The following WIPI2 variants were observed in gnomAD, a reference collection of about 807,000 sequenced individuals.
The protein encoded by WIPI2 is WD repeat domain phosphoinositide-interacting protein 2.
In WIPI2, 28 loss-of-function variants were observed where a neutral mutation model predicts 52.3. That is an observed-to-expected ratio of 0.54 (90% CI 0.40 to 0.73). The LOEUF is 0.73. Among genes scored for constraint, WIPI2 ranks in the 30% least tolerant of loss-of-function variants. WIPI2 has a pLI of 0.00. For synonymous variants in WIPI2, 268 were observed against 245.0 expected, an observed-to-expected ratio of 1.09 and a Z score of -0.88; for missense variants, 506 against 602.9, an observed-to-expected ratio of 0.84 and a Z score of 1.68.
chr7:5,192,754 C>T (rs1281102042), intron 1 of WIPI2, among the ~76,000 whole-genome samples: 3 of 152,146 alleles, frequency 2.0e-5, no homozygotes, highest in Non-Finnish European at 2.9e-5. Context: ...GAGAAGTTCC[C>T]GGAGAGAGCT....
intron 4 of WIPI2, among the ~76,000 whole-genome samples, chr7:5,215,814 C>G (rs1583572832): frequency 6.6e-6 from 1 of 152,254 alleles, no homozygotes; most frequent in Non-Finnish European, 1.5e-5. Flanking sequence ...TAAGTTGTCT[C>G]AGCGATGCAT....
rs535600305 is a variant in WIPI2, at chr7:5,227,975, C to T, written c.1014-129C>T. The T allele has an allele frequency of 2.4e-6, 2 of 843,448 alleles. No homozygotes were observed. The highest frequency in any genetic ancestry group is 5.3e-5 in the East Asian group (2 of 37,732). The allele number at this position is 843,448 out of a possible 1,614,324, so 52.2% of individuals were successfully genotyped here. On this transcript the variant is annotated intron_variant, in intron 10 of 12. Transcript: ENST00000288828. This position sits in a 1 kb window ranked among gnomAD's most constrained non-coding sequence, Gnocchi z 8.1. ...GAGCCGAGGTCAGTGGGGCGCCAGACACCTGCAGCTGCCCTTGTGCTCATC... is the reference window on the plus strand; with the variant it reads ...GAGCCGAGGTCAGTGGGGCGCCAGATACCTGCAGCTGCCCTTGTGCTCATC...
At position 5,209,099 on chromosome 7, in the gene WIPI2, A is replaced by G. The variant is rs896504620; in HGVS notation, c.212-5436A>G. Among the ~76,000 whole-genome samples the G allele has an allele frequency of 1.8e-4, 27 of 148,124 alleles. 1 individual carries two copies. The highest frequency in any genetic ancestry group is 1.2e-3 in the Admixed American group (18 of 14,608). On this transcript the variant is annotated intron_variant, in intron 3 of 12. Transcript: ENST00000288828. ...ATACTTTGGATTTTGACATTATCAT[A>G]AAAGAAAATTATTTCACTGAGTTTT...
At chr7:5,195,272 A>G (rs952333603) in intron 2 of WIPI2, among the ~76,000 whole-genome samples, 2 of 152,082 alleles carry the variant, frequency 1.3e-5, no homozygotes, top group African/African-American at 4.8e-5. Flanking sequence ...GGATCCCTTG[A>G]GTTCAGGAGT....
rs1319465222 is a variant in WIPI2, at chr7:5,227,479, C to A, written c.1013+135C>A. ...GAGCCGACACTCCATCGAGAGTTGT[C>A]GGGGATGGGAGGTCCCCTGGCAGGC... On this transcript the variant is annotated intron_variant, in intron 10 of 12. Coordinates refer to ENST00000288828, the MANE Select transcript of WIPI2 (RefSeq NM_015610.4). The surrounding 1 kb of genome is among the most constrained non-coding windows in gnomAD (Gnocchi z 8.1). The A allele has an allele frequency of 7.8e-7, 1 of 1,282,250 alleles. No homozygotes were observed. Among genetic ancestry groups the A allele is most frequent in the Non-Finnish European group, 1.0e-6 (1 of 953,034 alleles). The allele number at this position is 1,282,250 out of a possible 1,614,324, so 79.4% of individuals were successfully genotyped here.
rs1749311718 is a variant in WIPI2 at position 5,217,169 on chromosome 7, C to T, written c.558C>T (p.Val186=). Residue 186 remains valine, a synonymous_variant, in exon 6 of 13, where the codon GTC becomes GTT. Coordinates refer to ENST00000288828, the MANE Select transcript of WIPI2 (RefSeq NM_015610.4). ...GCGCGACCATCGGAGAGGTGCAGGT[C>T]TTCGATACCATTAATTTGGTGAGAT... ...PGSATIGEVQ[V]FDTINLRAAN... is the part of the protein sequence containing the mutation. The T allele has an allele frequency of 6.2e-7, 1 of 1,614,156 alleles. No individual in the cohort carries two copies. The highest frequency in any genetic ancestry group is 1.3e-5 in the African/African-American group (1 of 75,038).
Position 5,227,367 on chromosome 7 carries a change from TC to T in WIPI2, c.1013+28del, listed in dbSNP as rs751610174. ...CACGTGAGTAGAGCCGGCGCCTCCGTCCCCCACCCCGTGTGCCTCAGGCCGA... is the reference window on the plus strand; with the variant it reads ...CACGTGAGTAGAGCCGGCGCCTCCGTCCCCACCCCGTGTGCCTCAGGCCGA... On this transcript the variant is annotated intron_variant, in intron 10 of 12. Coordinates refer to ENST00000288828, the MANE Select transcript of WIPI2 (RefSeq NM_015610.4). The surrounding 1 kb of genome is among the most constrained non-coding windows in gnomAD (Gnocchi z 8.1). 2 of 1,607,770 alleles carry T rather than the reference TC, an allele frequency of 1.2e-6. No individual in the cohort carries two copies. Among genetic ancestry groups the T allele is most frequent in the African/African-American group, 1.3e-5 (1 of 74,990 alleles).
chr7:5,227,669 C>A lies in WIPI2; in HGVS notation c.1013+325C>A, dbSNP rs1482376506. On this transcript the variant is annotated intron_variant, in intron 10 of 12. Coordinates refer to ENST00000288828, the MANE Select transcript of WIPI2 (RefSeq NM_015610.4). This position sits in a 1 kb window ranked among gnomAD's most constrained non-coding sequence, Gnocchi z 8.1. ...ACCGCACTTGCCGAGTCTCAGGCAT[C>A]CGTCCGGCTCCAGGGTCTGGCCTCA... is the stretch of plus-strand genomic sequence containing the variant. Among the ~76,000 whole-genome samples, 2 of 152,222 alleles carry A rather than the reference C, an allele frequency of 1.3e-5. No homozygotes were observed. Among genetic ancestry groups the A allele is most frequent in the East Asian group, 3.9e-4 (2 of 5,194 alleles).
Position 5,231,711 on chromosome 7 carries a change from GTTC to G in WIPI2, c.*769_*771del, listed in dbSNP as rs1317671111. The G allele has an allele frequency of 2.0e-5, 3 of 153,118 alleles. No individual in the cohort carries two copies. The highest frequency in any genetic ancestry group is 1.9e-4 in the East Asian group (1 of 5,230). The allele number at this position is 153,118 out of a possible 1,614,324, so 9.5% of individuals were successfully genotyped here. Reference sequence around the variant, plus strand: ...TTTTGTTTGTATAATTAAATGATCTGTTCTTCTACTTCACTCTTCCTGTTGAAA... The same window carrying G: ...TTTTGTTTGTATAATTAAATGATCTGTTCTACTTCACTCTTCCTGTTGAAA... On this transcript the variant is annotated 3_prime_UTR_variant, in exon 13 of 13. Transcript: ENST00000288828.
In WIPI2 at chr7:5,216,719, A is replaced by G; in HGVS notation, c.478+60A>G. 2.6e-6 allele frequency: 4 copies of G among 1,522,428 alleles called. No individual in the cohort carries two copies. In the Admixed American group the frequency reaches 5.4e-5, roughly 20 times the overall value. The allele number at this position is 1,522,428 out of a possible 1,614,324, so 94.3% of individuals were successfully genotyped here. A position where few individuals can be genotyped will look rare whatever the true frequency, so the allele number is the denominator to read the frequency against. ...CTGATTTTGCCCTTGAAAGATAGCT[A>G]TAGGTGAGAGAGATTTTTTCTTTTT... On this transcript the variant is annotated intron_variant, in intron 5 of 12. Coordinates refer to ENST00000288828, the MANE Select transcript of WIPI2 (RefSeq NM_015610.4).
At chr7:5,220,571 C>CA (rs1054944886) in intron 7 of WIPI2, among the ~76,000 whole-genome samples, 41 of 151,916 alleles carry the variant, frequency 2.7e-4, no homozygotes, top group Admixed American at 2.7e-3. Flanking sequence ...AGAGATAGTG[C>CA]AGTGGCATGA....
intron 7 of WIPI2, 83 bp from the exon 8 acceptor site, chr7:5,222,519 G>C (rs538535130): frequency 2.7e-4 from 370 of 1,392,938 alleles, no homozygotes; most frequent in Middle Eastern, 6.7e-4. Context: ...TAGCCGTGTG[G>C]CGCATTTGCA....
chr7:5,223,280 T>A (rs1486931598), intron 8 of WIPI2, among the ~76,000 whole-genome samples: 1 of 152,178 alleles, frequency 6.6e-6, no homozygotes, highest in Non-Finnish European at 1.5e-5. Context: ...GGGAGCACTT[T>A]CAGTCGCATG....
chr7:5,195,255 G>A (rs1781690152), intron 2 of WIPI2, among the ~76,000 whole-genome samples: 1 of 152,242 alleles, frequency 6.6e-6, no homozygotes, highest in African/African-American at 2.4e-5. Context: ...GCAAGGCCAA[G>A]GTGGGAGGAT....
In WIPI2 at chr7:5,231,682, G is replaced by A. The variant is rs1444386070; in HGVS notation, c.*735G>A. 2 of 152,666 alleles carry A rather than the reference G, an allele frequency of 1.3e-5. No homozygotes were observed. Among genetic ancestry groups the A allele is most frequent in the African/African-American group, 4.8e-5 (2 of 41,438 alleles). 9.5% of individuals were successfully genotyped at this position (152,666 alleles called of 1,614,324 possible). On this transcript the variant is annotated 3_prime_UTR_variant, in exon 13 of 13. Coordinates refer to ENST00000288828, the MANE Select transcript of WIPI2 (RefSeq NM_015610.4). ...CCTGGACTCGCTGGAGCAAAGGAAA[G>A]CGATTTTGTTTGTATAATTAAATGA...
In WIPI2 at chr7:5,229,653, C is replaced by A. The variant is rs144937239; in HGVS notation, c.1167C>A (p.Ala389=). ...LETTNEILDS[A]SHDCPLVTQT... ...CGACCAATGAGATCTTGGACTCTGC[C>A]TCTCACGACTGCCCCTTAGTCACTC... Residue 389 remains alanine, a synonymous_variant, in exon 12 of 13, where the codon GCC becomes GCA. Transcript: ENST00000288828. 1.1e-4 allele frequency: 182 copies of A among 1,613,964 alleles called. No individual in the cohort carries two copies. The African/African-American group carries it at 2.3e-3, about 20-fold the overall frequency.
intron 2 of WIPI2, 93 bp from the exon 3 acceptor site, chr7:5,199,483 T>C (rs1385216369): frequency 9.2e-7 from 1 of 1,082,690 alleles, no homozygotes; most frequent in Non-Finnish European, 1.4e-6. Context: ...GCGGGGAACT[T>C]GCTGGGAACT....
At chr7:5,206,008 T>C (rs1782278898) in intron 3 of WIPI2, among the ~76,000 whole-genome samples, 1 of 152,182 alleles carries the variant, frequency 6.6e-6, no homozygotes, top group South Asian at 2.1e-4. Flanking sequence ...TTTTCTGGAC[T>C]GTCATTTGCC....
chr7:5,208,145 A>G (rs574927220), intron 3 of WIPI2, among the ~76,000 whole-genome samples: 1 of 152,212 alleles, frequency 6.6e-6, no homozygotes, highest in African/African-American at 2.4e-5. Context: ...TCATGGTTTT[A>G]ATTTGAATTT....
Sources: gnomAD v4.1 joint callset for allele counts (sites outside exome capture counted in the v4.1 genomes callset) on GRCh38, gnomAD v4.1.1 for gene constraint, Gnocchi (gnomAD v3.1) non-coding constraint, MANE v1.5 for transcripts, NCBI Gene and HGNC (gene_info 2026-07-23, HGNC 2026-07-21) for gene names.